The following NTNG1 variants were observed in gnomAD, a reference collection of about 807,000 sequenced individuals.
The protein encoded by NTNG1 is netrin-G1.
Under a neutral mutation model 54.0 loss-of-function variants are expected in NTNG1, and 16 were observed. The ratio of observed to expected loss-of-function variants is 0.30; its 90% confidence interval spans 0.20 to 0.45. The LOEUF is 0.45. Among genes scored for constraint, NTNG1 ranks in the 20% least tolerant of loss-of-function variants. NTNG1 has a pLI of 1.00. For synonymous variants in NTNG1, 255 were observed against 263.1 expected, an observed-to-expected ratio of 0.97 and a Z score of 0.30; for missense variants, 530 against 678.7, an observed-to-expected ratio of 0.78 and a Z score of 2.43.
At chr1:107,328,148 T>C (rs1484815337) in intron 3 of NTNG1, among the ~76,000 whole-genome samples, 1 of 152,172 alleles carries the variant, frequency 6.6e-6, no homozygotes, top group Non-Finnish European at 1.5e-5. Context: ...ACATGGCTGT[T>C]GGCAATTTCA....
intron 2 of NTNG1, among the ~76,000 whole-genome samples, chr1:107,207,131 A>G (rs1261245393): frequency 6.6e-6 from 1 of 152,154 alleles, no homozygotes; most frequent in East Asian, 1.9e-4. Context: ...GCTATCCTAG[A>G]CAGTCTCAAG....
At chr1:107,211,202 T>C (rs1659577699) in intron 2 of NTNG1, among the ~76,000 whole-genome samples, 1 of 152,176 alleles carries the variant, frequency 6.6e-6, no homozygotes, top group Non-Finnish European at 1.5e-5. Flanking sequence ...CAGTTATACA[T>C]GTTCTTCACG....
At chr1:107,426,596 A>T (rs1570937078) in intron 5 of NTNG1, among the ~76,000 whole-genome samples, 1 of 151,942 alleles carries the variant, frequency 6.6e-6, no homozygotes, top group Admixed American at 6.6e-5. Context: ...TGAAGTCAGG[A>T]AATGTGATGC....
chr1:107,484,747 G>A lies in NTNG1; in HGVS notation c.*3907G>A, dbSNP rs768207778. Among the ~76,000 whole-genome samples the A allele has an allele frequency of 2.0e-5, 3 of 152,146 alleles. No homozygotes were observed. Among genetic ancestry groups the A allele is most frequent in the African/African-American group, 4.8e-5 (2 of 41,426 alleles). On this transcript the variant is annotated 3_prime_UTR_variant, in exon 8 of 8. Coordinates refer to ENST00000370068, the MANE Select transcript of NTNG1 (RefSeq NM_001113226.3). The stretch of plus-strand genomic sequence containing the variant: ...AGGAAATCTTGACATCGAATATTTT[G>A]TTCCATCTCCTTCACCCTCTACCAT...
chr1:107,479,397 C>G (rs1678545977), intron 7 of NTNG1, among the ~76,000 whole-genome samples: 1 of 152,166 alleles, frequency 6.6e-6, no homozygotes, highest in Admixed American at 6.5e-5. Flanking sequence ...ATACTTTGCA[C>G]TTAATAGTAA....
At chr1:107,351,843 C>T (rs1427962464) in intron 3 of NTNG1, among the ~76,000 whole-genome samples, 1 of 152,236 alleles carries the variant, frequency 6.6e-6, no homozygotes, top group Non-Finnish European at 1.5e-5. Flanking sequence ...AAGTTAGTTA[C>T]CTCCAAGGTA....
At chr1:107,290,554 G>A (rs1161638414) in intron 2 of NTNG1, among the ~76,000 whole-genome samples, 1 of 152,022 alleles carries the variant, frequency 6.6e-6, no homozygotes, top group African/African-American at 2.4e-5. Context: ...TGCCTTAAAA[G>A]TGTATTATAT....
At chr1:107,351,519 A>T (rs1669599025) in intron 3 of NTNG1, among the ~76,000 whole-genome samples, 1 of 152,168 alleles carries the variant, frequency 6.6e-6, no homozygotes, top group South Asian at 2.1e-4. Flanking sequence ...ATCAGATCTC[A>T]TAAGAACTCA....
At chr1:107,379,924 A>G (rs559221055) in intron 3 of NTNG1, among the ~76,000 whole-genome samples, 4 of 152,320 alleles carry the variant, frequency 2.6e-5, no homozygotes, top group Admixed American at 6.5e-5. Context: ...TCTCAGAACT[A>G]TCTCCCTGGG....
At chr1:107,405,767 G>A (rs570424366) in intron 4 of NTNG1, among the ~76,000 whole-genome samples, 2 of 152,210 alleles carry the variant, frequency 1.3e-5, no homozygotes, top group South Asian at 4.2e-4. Flanking sequence ...GCAGTGCGTT[G>A]CAATGGAGCA....
intron 2 of NTNG1, among the ~76,000 whole-genome samples, chr1:107,308,785 G>C (rs1666836148): frequency 6.6e-6 from 1 of 152,128 alleles, no homozygotes; most frequent in Non-Finnish European, 1.5e-5. Context: ...CTATTCATAA[G>C]TATGAATGTT....
intron 2 of NTNG1, among the ~76,000 whole-genome samples, chr1:107,246,266 A>G (rs1341751756): frequency 2.0e-5 from 3 of 152,118 alleles, no homozygotes; most frequent in African/African-American, 7.2e-5. Flanking sequence ...TGTTAGCCAG[A>G]ATAGTCTCGA....
chr1:107,331,115 C>A (rs4291528), intron 3 of NTNG1, among the ~76,000 whole-genome samples: 1 of 151,890 alleles, frequency 6.6e-6, no homozygotes, highest in African/African-American at 2.4e-5. Flanking sequence ...AGAGGAGTGC[C>A]GTGACTTTTT....
intron 6 of NTNG1, among the ~76,000 whole-genome samples, 191 bp from the exon 7 acceptor site, chr1:107,436,474 A>G (rs541305204): frequency 7.2e-5 from 11 of 152,348 alleles, no homozygotes; most frequent in African/African-American, 2.6e-4. Flanking sequence ...CTCCCATATC[A>G]TAAAAATGAT....
intron 2 of NTNG1, among the ~76,000 whole-genome samples, chr1:107,248,988 A>C (rs947389764): frequency 2.2e-4 from 32 of 147,830 alleles, no homozygotes. Context: ...GTCTCTACTA[A>C]AAGTACAAAA....
At chr1:107,152,063 TATAC>T (rs1654615853) in intron 2 of NTNG1, among the ~76,000 whole-genome samples, 6 of 151,858 alleles carry the variant, frequency 4.0e-5, no homozygotes, top group African/African-American at 1.4e-4. Context: ...TATACACATA[TATAC>T]ATACATATAT....
At chr1:107,341,367 A>G (rs1668886820) in intron 3 of NTNG1, among the ~76,000 whole-genome samples, 1 of 152,026 alleles carries the variant, frequency 6.6e-6, no homozygotes, top group Non-Finnish European at 1.5e-5. Context: ...TAAAGACCTC[A>G]GCAGCTTAAA....
chr1:107,154,610 A>C (rs952512728), intron 2 of NTNG1, among the ~76,000 whole-genome samples: 3 of 150,030 alleles, frequency 2.0e-5, no homozygotes, highest in African/African-American at 4.9e-5. Flanking sequence ...AAAAAAAAAA[A>C]AAAAAAAAAA....
intron 2 of NTNG1, among the ~76,000 whole-genome samples, chr1:107,161,739 T>C (rs1405510609): frequency 6.6e-6 from 1 of 151,950 alleles, no homozygotes; most frequent in African/African-American, 2.4e-5. Flanking sequence ...TGTTATATTG[T>C]TTTTGTTAGA....
Sources: gnomAD v4.1 joint callset for allele counts (sites outside exome capture counted in the v4.1 genomes callset) on GRCh38, gnomAD v4.1.1 for gene constraint, MANE v1.5 for transcripts, NCBI Gene and HGNC (gene_info 2026-07-23, HGNC 2026-07-21) for gene names.